Variants in PILRB observed in about 807,000 individuals in gnomAD.
The protein encoded by PILRB is paired immunoglobin like type 2 receptor beta, also known as paired immunoglobulin-like type 2 receptor beta.
In PILRB, 21 loss-of-function variants were observed where a neutral mutation model predicts 20.5. The observed-to-expected ratio is 1.02, with a 90% CI of 0.72 to 1.47. The LOEUF (loss-of-function observed/expected upper bound fraction) is 1.47. Among genes scored for constraint, PILRB ranks in the 40% most tolerant of loss-of-function variants. The pLI is 0.00. For synonymous variants in PILRB, 133 were observed against 115.1 expected (o/e 1.16, Z -0.99); for missense variants, 253 against 272.1 (o/e 0.93, Z 0.49).
rs375918004 is a variant in PILRB, at chr7:100,358,779, C to A, written c.154C>A (p.Pro52Thr). The A allele has an allele frequency of 2.5e-6, 4 of 1,613,848 alleles. No individual in the cohort carries two copies. The highest frequency in any genetic ancestry group is 2.5e-6 in the Non-Finnish European group (3 of 1,179,798). ...SASMGGSVEI[P>T]FSFYYPWELA... is the part of the protein sequence containing the mutation. ...CTCCATGGGTGGCTCTGTGGAAATC[C>A]CCTTCTCCTTCTATTACCCCTGGGA... is the stretch of plus-strand genomic sequence containing the variant. Residue 52 changes from proline to threonine, a missense_variant, in exon 2 of 4, where the codon CCC (proline) becomes ACC (threonine). Coordinates refer to ENST00000609309, the MANE Select transcript of PILRB (RefSeq NM_178238.4).
In PILRB at chr7:100,359,423, T is replaced by G. The variant is rs1479358517; in HGVS notation, c.541T>G (p.Ser181Ala). 6.2e-7 allele frequency: 1 copy of G among 1,614,040 alleles called. No homozygotes were observed. Among genetic ancestry groups the G allele is most frequent in the African/African-American group, 1.3e-5 (1 of 74,914 alleles). Reference sequence around the variant, plus strand: ...CACAGAAAGCAAAGGGCACTCAGAATCATGGCACCTAAGTCTGGACACTGC... The same window carrying G: ...CACAGAAAGCAAAGGGCACTCAGAAGCATGGCACCTAAGTCTGGACACTGC... Reference protein sequence around the residue: ...RVTESKGHSESWHLSLDTAIR... With the variant: ...RVTESKGHSEAWHLSLDTAIR... Residue 181 changes from serine (S) to alanine (A), a missense_variant, in exon 3 of 4, where the codon TCA (serine) becomes GCA (alanine). Ser to Ala is a moderately conservative substitution (Grantham distance 99). Coordinates refer to ENST00000609309, the MANE Select transcript of PILRB (RefSeq NM_178238.4).
At chr7:100,367,263 A>G (rs1266573235) in intron 3 of PILRB, 86 bp from the exon 4 acceptor site, 4 of 778,852 alleles carry the variant, frequency 5.1e-6, no homozygotes, top group Non-Finnish European at 9.6e-6. Context: ...GCCACCTCCC[A>G]CTTAAATCTG....
At chr7:100,367,273 G>T in intron 3 of PILRB, 76 bp from the exon 4 acceptor site, 1 of 778,732 alleles carries the variant, frequency 1.3e-6, no homozygotes, top group South Asian at 1.3e-5. Flanking sequence ...ACTTAAATCT[G>T]ATCTCTGAAG....
chr7:100,358,925 C>T lies in PILRB; in HGVS notation c.300C>T (p.Asn100=), dbSNP rs752057900. The part of the protein sequence containing the change: ...HKDYVNRLFL[N]WTEGQESGFL... ...ATTATGTGAACCGGCTCTTTCTGAACTGGACAGAGGGTCAGGAGAGCGGCT... is the reference window on the plus strand; with the variant it reads ...ATTATGTGAACCGGCTCTTTCTGAATTGGACAGAGGGTCAGGAGAGCGGCT... The change falls in exon 2 of 4, where the codon AAC becomes AAT. Residue 100 remains asparagine (N), a synonymous_variant. Coordinates refer to ENST00000609309, the MANE Select transcript of PILRB (RefSeq NM_178238.4). The T allele has an allele frequency of 1.9e-6, 3 of 1,614,050 alleles. No homozygotes were observed. Among genetic ancestry groups the T allele is most frequent in the African/African-American group, 1.3e-5 (1 of 74,898 alleles).
At chr7:100,366,893 TGGACAACAG>T (rs1200086705) in intron 3 of PILRB, among the ~76,000 whole-genome samples, 9 of 152,002 alleles carry the variant, frequency 5.9e-5, no homozygotes. Flanking sequence ...GATGACGTGG[TGGACAACAG>T]GGAGAACAGG....
intron 3 of PILRB, among the ~76,000 whole-genome samples, chr7:100,365,125 G>A (rs1284623614): frequency 6.6e-6 from 1 of 152,102 alleles, no homozygotes. Flanking sequence ...TCAGCCTCCC[G>A]AGTAGCTGGG....
chr7:100,367,485 G>A lies in PILRB; in HGVS notation c.*108G>A. On this transcript the variant is annotated 3_prime_UTR_variant, in exon 4 of 4. Coordinates refer to ENST00000609309, the MANE Select transcript of PILRB (RefSeq NM_178238.4). ...TCCCCATTGGCAAGATACATGGAGA[G>A]CACCCTGAGGACCTTTAAAAGGCAA... 2.7e-6 allele frequency: 2 copies of A among 751,662 alleles called. No individual in the cohort carries two copies. Among genetic ancestry groups the A allele is most frequent in the East Asian group, 4.9e-5 (2 of 40,496 alleles). The allele number at this position is 751,662 out of a possible 1,614,324, so 46.6% of individuals were successfully genotyped here.
At chr7:100,362,241 A>G (rs926602506) in intron 3 of PILRB, among the ~76,000 whole-genome samples, 45 of 152,142 alleles carry the variant, frequency 3.0e-4, no homozygotes, top group Non-Finnish European at 1.3e-4. Flanking sequence ...AAGCCAGATA[A>G]AGACCCTGCA....
intron 3 of PILRB, among the ~76,000 whole-genome samples, chr7:100,362,085 C>T (rs1419099684): frequency 6.6e-6 from 1 of 152,016 alleles, no homozygotes; most frequent in African/African-American, 2.4e-5. Flanking sequence ...GGGGGGTCAG[C>T]AGGAAGCTTG....
At position 100,367,492 on chromosome 7, in the gene PILRB, G is replaced by A. The variant is rs1280802837; in HGVS notation, c.*115G>A. ...TGGCAAGATACATGGAGAGCACCCT[G>A]AGGACCTTTAAAAGGCAAAGCCGCA... On this transcript the variant is annotated 3_prime_UTR_variant, in exon 4 of 4. Coordinates refer to ENST00000609309, the MANE Select transcript of PILRB (RefSeq NM_178238.4). 1.4e-6 allele frequency: 1 copy of A among 736,708 alleles called. No individual in the cohort carries two copies. Among genetic ancestry groups the A allele is most frequent in the Non-Finnish European group, 2.6e-6 (1 of 390,296 alleles). 45.6% of individuals were successfully genotyped at this position (736,708 alleles called of 1,614,324 possible). A position where few individuals can be genotyped will look rare whatever the true frequency, so the allele number is the denominator to read the frequency against.
chr7:100,363,225 A>T (rs1216771148), intron 3 of PILRB, among the ~76,000 whole-genome samples: 2 of 152,158 alleles, frequency 1.3e-5, no homozygotes, highest in African/African-American at 4.8e-5. Flanking sequence ...TTGAAAAGGA[A>T]CAAGCAAAAT....
At chr7:100,364,985 T>A (rs916515781) in intron 3 of PILRB, among the ~76,000 whole-genome samples, 12 of 152,136 alleles carry the variant, frequency 7.9e-5, no homozygotes, top group East Asian at 3.9e-4. Context: ...AAAAATAATA[T>A]TATTGAATCT....
At chr7:100,366,287 T>C (rs1790682882) in intron 3 of PILRB, among the ~76,000 whole-genome samples, 1 of 152,038 alleles carries the variant, frequency 6.6e-6, no homozygotes, top group Non-Finnish European at 1.5e-5. Context: ...AAAGTTGCAA[T>C]ATGAAAATGA....
At chr7:100,360,613 G>A (rs891987676) in intron 3 of PILRB, among the ~76,000 whole-genome samples, 2 of 152,180 alleles carry the variant, frequency 1.3e-5, no homozygotes, top group South Asian at 2.1e-4. Flanking sequence ...CAGAGGCAGC[G>A]TGAGGCAGCA....
intron 3 of PILRB, among the ~76,000 whole-genome samples, chr7:100,359,889 G>T (rs1335231553): frequency 1.3e-5 from 2 of 152,214 alleles, no homozygotes; most frequent in African/African-American, 4.8e-5. Context: ...TGGGCATGGT[G>T]GCACACGCTT....
rs558060820 is a variant in PILRB, at chr7:100,360,838, C to A, written c.655+1301C>A. Among the ~76,000 whole-genome samples the A allele has an allele frequency of 1.8e-3, 279 of 152,272 alleles. 2 individuals are homozygous for A. The highest frequency in any genetic ancestry group is 6.3e-3 in the African/African-American group (263 of 41,550). Reference sequence around the variant, plus strand: ...CCCGTTTCCACTTGGGTGCATGGGGCTATGATGAAACCACCAACTACAGTA... The same window carrying A: ...CCCGTTTCCACTTGGGTGCATGGGGATATGATGAAACCACCAACTACAGTA... On this transcript the variant is annotated intron_variant, in intron 3 of 3. Coordinates refer to ENST00000609309, the MANE Select transcript of PILRB (RefSeq NM_178238.4).
chr7:100,358,285 C>T lies in PILRB; in HGVS notation c.-18C>T, dbSNP rs1563108074. The stretch of plus-strand genomic sequence containing the variant: ...ACAGCTCTGCTGGTCTCCCCGTCCC[C>T]TGGAGAAGAACAAGGCCATGGGTCG... On this transcript the variant is annotated 5_prime_UTR_variant, in exon 1 of 4. Coordinates refer to ENST00000609309, the MANE Select transcript of PILRB (RefSeq NM_178238.4). 1.2e-6 allele frequency: 2 copies of T among 1,612,322 alleles called. No homozygotes were observed. Among genetic ancestry groups the T allele is most frequent in the Admixed American group, 3.3e-5 (2 of 60,016 alleles).
At chr7:100,359,848 C>T (rs1383573774) in intron 3 of PILRB, among the ~76,000 whole-genome samples, 1 of 152,180 alleles carries the variant, frequency 6.6e-6, no homozygotes, top group Non-Finnish European at 1.5e-5. Context: ...CATGGTGACA[C>T]CCCATGTCTA....
chr7:100,364,031 C>T (rs1335254185), intron 3 of PILRB, among the ~76,000 whole-genome samples: 1 of 151,760 alleles, frequency 6.6e-6, no homozygotes, highest in Admixed American at 6.6e-5. Context: ...TCACTTGAAC[C>T]CGGGAGGCAG....
Sources: allele counts gnomAD v4.1 joint callset (sites outside exome capture counted in the v4.1 genomes callset), GRCh38; gene constraint gnomAD v4.1.1; transcripts MANE v1.5; gene names NCBI Gene and HGNC (gene_info 2026-07-23, HGNC 2026-07-21).